NRXN1: variants seen among roughly 807,000 people sequenced by gnomAD.
NRXN1 encodes neurexin 1.
A neutral mutation model predicts 150.9 loss-of-function variants in NRXN1; 39 were observed. The observed-to-expected ratio is 0.26, with a 90% CI of 0.20 to 0.34. NRXN1 has a LOEUF of 0.34. Among genes scored for constraint, NRXN1 ranks in the 10% least tolerant of loss-of-function variants. The pLI is 1.00. For synonymous variants in NRXN1, 924 were observed against 757.0 expected, an observed-to-expected ratio of 1.22 and a Z score of -3.62; for missense variants, 1,815 against 1,949.9, an observed-to-expected ratio of 0.93 and a Z score of 1.30.
At chr2:50,183,708 C>T (rs554706632) in intron 18 of NRXN1, among the ~76,000 whole-genome samples, 6 of 149,206 alleles carry the variant, frequency 4.0e-5, no homozygotes, top group South Asian at 4.3e-4. Flanking sequence ...AGGGATGCTG[C>T]TAAACATTCA....
chr2:50,708,941 G>T (rs1425437506), intron 5 of NRXN1, among the ~76,000 whole-genome samples: 1 of 152,216 alleles, frequency 6.6e-6, no homozygotes, highest in Non-Finnish European at 1.5e-5. Context: ...GCCTGTTGGT[G>T]CTTTGGCCAT....
chr2:50,637,916 C>G (rs1330784098), intron 5 of NRXN1, among the ~76,000 whole-genome samples: 1 of 152,058 alleles, frequency 6.6e-6, no homozygotes. Flanking sequence ...TTATTACCAT[C>G]TCTTTTTTAG....
chr2:49,946,680 A>G (rs972342687), intron 21 of NRXN1, among the ~76,000 whole-genome samples: 13 of 152,226 alleles, frequency 8.5e-5, no homozygotes, highest in Non-Finnish European at 1.8e-4. Flanking sequence ...TTTGTCAAAG[A>G]TCAGCTGGTC....
At chr2:50,685,333 C>A (rs1206040155) in intron 5 of NRXN1, among the ~76,000 whole-genome samples, 2 of 152,136 alleles carry the variant, frequency 1.3e-5, no homozygotes, top group African/African-American at 4.8e-5. Flanking sequence ...CCAACACACT[C>A]AGGAATATTC....
chr2:49,955,841 C>T (rs1342939825), intron 21 of NRXN1, among the ~76,000 whole-genome samples: 1 of 152,050 alleles, frequency 6.6e-6, no homozygotes, highest in Admixed American at 6.6e-5. Flanking sequence ...ACAGAATGCA[C>T]TAATCAAATC....
At position 50,000,006 on chromosome 2, in the gene NRXN1, T is replaced by G. The variant is rs151296545; in HGVS notation, c.4128+53265A>C. ...AAGGTATATTAAATAGAACCTCTCC[T>G]AATACTCTCACATTGGGTGATGTTT... On this transcript the variant is annotated intron_variant, in intron 21 of 22. Coordinates refer to ENST00000401669, the MANE Select transcript of NRXN1 (RefSeq NM_001330078.2). 8.5e-4 allele frequency among the ~76,000 whole-genome samples: 129 copies of G among 152,330 alleles called. 3 individuals carry two copies. The South Asian group carries it at 0.021, about 24-fold the overall frequency.
chr2:49,938,036 G>A (rs950572771), intron 22 of NRXN1, among the ~76,000 whole-genome samples: 1 of 151,986 alleles, frequency 6.6e-6, no homozygotes, highest in African/African-American at 2.4e-5. Context: ...AAAATTGCAT[G>A]GTAATTGCAA....
intron 5 of NRXN1, among the ~76,000 whole-genome samples, chr2:50,717,653 C>A (rs1696039173): frequency 6.6e-6 from 1 of 152,176 alleles, no homozygotes; most frequent in South Asian, 2.1e-4. Context: ...AAAAGTAGCT[C>A]AAACTGGGTG....
chr2:50,623,416 A>T lies in NRXN1; in HGVS notation c.1032T>A (p.Ile344=). The change falls in exon 6 of 23, where the codon ATT becomes ATA. Residue 344 remains isoleucine (I), a synonymous_variant. Transcript: ENST00000401669. ...CTTCAAAGGCCCCTGATCCCAAATT[A>T]ATGACCAGAGAGACAGCTCCATTTT... ...ALKNGAVSLV[I]NLGSGAFEAL... 6.2e-7 allele frequency: 1 copy of T among 1,613,384 alleles called. No individual in the cohort carries two copies. The highest frequency in any genetic ancestry group is 8.5e-7 in the Non-Finnish European group (1 of 1,179,464).
At chr2:50,279,228 A>C (rs2071081118) in intron 17 of NRXN1, among the ~76,000 whole-genome samples, 1 of 152,206 alleles carries the variant, frequency 6.6e-6, no homozygotes, top group Non-Finnish European at 1.5e-5. Flanking sequence ...TCTATAAAAC[A>C]GCCCTAAGGT....
chr2:50,791,256 A>G (rs188044428), intron 5 of NRXN1, among the ~76,000 whole-genome samples: 7 of 146,852 alleles, frequency 4.8e-5, no homozygotes, highest in Non-Finnish European at 7.4e-5. Flanking sequence ...GAAATTGGAT[A>G]AGTTCCCTTG....
At chr2:50,161,998 G>C (rs1042984103) in intron 18 of NRXN1, among the ~76,000 whole-genome samples, 5 of 152,106 alleles carry the variant, frequency 3.3e-5, no homozygotes, top group African/African-American at 1.2e-4. Flanking sequence ...TAGCGAAAGA[G>C]TATCTCAAAA....
At chr2:50,591,892 C>T (rs2103820200) in intron 8 of NRXN1, among the ~76,000 whole-genome samples, 1 of 152,332 alleles carries the variant, frequency 6.6e-6, no homozygotes, top group East Asian at 1.9e-4. Context: ...AAAATTACTA[C>T]ATGTCTGAGG....
intron 17 of NRXN1, among the ~76,000 whole-genome samples, chr2:50,411,211 G>A (rs943258665): frequency 3.9e-5 from 6 of 152,104 alleles, no homozygotes; most frequent in Non-Finnish European, 8.8e-5. Context: ...ATTTTTTGGT[G>A]GAGACGGGGT....
At chr2:50,167,800 T>C (rs1247083851) in intron 18 of NRXN1, among the ~76,000 whole-genome samples, 1 of 152,178 alleles carries the variant, frequency 6.6e-6, no homozygotes. Flanking sequence ...GTTTGTTTAT[T>C]GTGATAATTT....
chr2:50,788,922 C>T (rs62140597), intron 5 of NRXN1, among the ~76,000 whole-genome samples: 11,534 of 152,064 alleles, frequency 0.076, 575 homozygotes, highest in Non-Finnish European at 0.1. Flanking sequence ...GGTGCTACCT[C>T]GTGTAACTCC....
intron 17 of NRXN1, among the ~76,000 whole-genome samples, chr2:50,460,754 C>T (rs2104607370): frequency 6.6e-6 from 1 of 152,096 alleles, no homozygotes; most frequent in Middle Eastern, 3.4e-3. Context: ...TGAGGCAGGT[C>T]TGACCCTGTT....
chr2:50,421,679 T>C (rs1213655479), intron 17 of NRXN1, among the ~76,000 whole-genome samples: 3 of 152,184 alleles, frequency 2.0e-5, no homozygotes, highest in Non-Finnish European at 4.4e-5. Flanking sequence ...ATCACCCATA[T>C]GCACTAGTAG....
At chr2:50,911,252 A>G (rs1384335258) in intron 5 of NRXN1, among the ~76,000 whole-genome samples, 1 of 151,844 alleles carries the variant, frequency 6.6e-6, no homozygotes, top group Non-Finnish European at 1.5e-5. Flanking sequence ...AATGAGTAAC[A>G]CCTTGCTCTT....
Sources: gnomAD v4.1 joint callset for allele counts (sites outside exome capture counted in the v4.1 genomes callset) on GRCh38, gnomAD v4.1.1 for gene constraint, MANE v1.5 for transcripts, NCBI Gene and HGNC (gene_info 2026-07-23, HGNC 2026-07-21) for gene names.